The following TMEM255A variants were observed in gnomAD, a reference collection of about 807,000 sequenced individuals.
TMEM255A encodes family with sequence similarity 70, member A.
Under a neutral mutation model 23.5 loss-of-function variants are expected in TMEM255A, and 14 were observed. The ratio of observed to expected loss-of-function variants is 0.60; its 90% CI spans 0.39 to 0.93. The LOEUF is 0.93. Among genes scored for constraint, TMEM255A ranks in the 40% least tolerant of loss-of-function variants. The pLI is 0.00. For missense variants in TMEM255A, 233 were observed against 261.7 expected, an observed-to-expected ratio of 0.89 and a Z score of 0.76; for synonymous variants, 104 against 100.3, an observed-to-expected ratio of 1.04 and a Z score of -0.22.
chrX:120,253,095 G>A, the TMEM255A span, among the ~76,000 whole-genome samples: 1 of 111,661 alleles, frequency 9.0e-6, no homozygotes, highest in African/African-American at 3.3e-5. Context: ...TTGGGACTAA[G>A]AAAATTAATT....
chrX:120,293,266 G>A (rs1429380048), intron 3 of TMEM255A, among the ~76,000 whole-genome samples: 1 of 112,604 alleles, frequency 8.9e-6, no homozygotes, highest in Non-Finnish European at 1.9e-5. Context: ...ACTGCAATAT[G>A]CTTGCAATTC....
At chrX:120,284,160 C>G (rs1274259972) in intron 6 of TMEM255A, among the ~76,000 whole-genome samples, 1 of 112,145 alleles carries the variant, frequency 8.9e-6, no homozygotes, top group Non-Finnish European at 1.9e-5. Context: ...CCACTGATCC[C>G]CACTGCACTT....
At chrX:120,265,420 C>A (rs2057710177) in intron 8 of TMEM255A, among the ~76,000 whole-genome samples, 1 of 111,927 alleles carries the variant, frequency 8.9e-6, no homozygotes, top group Non-Finnish European at 1.9e-5. Flanking sequence ...GTCCAAGCAG[C>A]CCCTGAATTC....
chrX:120,307,607 G>A (rs782564115), intron 1 of TMEM255A, among the ~76,000 whole-genome samples: 2 of 112,244 alleles, frequency 1.8e-5, no homozygotes, highest in Non-Finnish European at 3.8e-5. Flanking sequence ...AGAAGGATGT[G>A]GGAGGAATTG....
At chrX:120,295,799 C>G (rs781904626) in intron 2 of TMEM255A, among the ~76,000 whole-genome samples, 1 of 111,668 alleles carries the variant, frequency 9.0e-6, no homozygotes, top group Admixed American at 9.5e-5. Flanking sequence ...GAGAATTAAC[C>G]AGGATAATAC....
chrX:120,266,153 C>CAAA (rs782105722), intron 8 of TMEM255A, among the ~76,000 whole-genome samples: 4 of 75,342 alleles, frequency 5.3e-5, no homozygotes, highest in Non-Finnish European at 1.1e-4. Flanking sequence ...GACTCTGTCT[C>CAAA]AAAAAAAAAA....
intron 2 of TMEM255A, among the ~76,000 whole-genome samples, chrX:120,303,334 A>G (rs143850389): frequency 0.041 from 4,548 of 111,148 alleles, 142 homozygotes; most frequent in East Asian, 0.13. Flanking sequence ...GATCAGGTGA[A>G]CTATCCTTCT....
chrX:120,292,530 G>A (rs957216050), intron 3 of TMEM255A, among the ~76,000 whole-genome samples: 20 of 111,126 alleles, frequency 1.8e-4, no homozygotes, highest in African/African-American at 6.2e-4. Flanking sequence ...AGGCTGGGGC[G>A]GGTGGATCAC....
At chrX:120,254,411 G>A (rs782674573), downstream of TMEM255A, 62 of 1,209,150 alleles carry the variant, frequency 5.1e-5, no homozygotes, top group Non-Finnish European at 6.9e-5. Context: ...AGGAGGAGGA[G>A]GAAATAATAG....
Position 120,266,403 on chromosome X carries a change from C to G in TMEM255A, c.819+1841G>C, listed in dbSNP as rs181149395. Among the ~76,000 whole-genome samples, 4 of 109,839 alleles carry G rather than the reference C, an allele frequency of 3.6e-5. No homozygotes were observed. In the East Asian group the frequency reaches 1.1e-3, roughly 31 times the overall value. On this transcript the variant is annotated intron_variant, in intron 8 of 8. Coordinates refer to ENST00000371369, the MANE Select transcript of TMEM255A (RefSeq NM_001104544.3). ...ATTTCTATTTCCACAGCTCCTGGCT[C>G]AATGCGTGGCACATGGAACACAGAG...
chrX:120,295,331 A>G (rs12841750), intron 2 of TMEM255A, among the ~76,000 whole-genome samples: 2,092 of 111,266 alleles, frequency 0.019, 55 homozygotes, highest in African/African-American at 0.065. Flanking sequence ...CCTTGCACCT[A>G]GGTTTGGGAA....
At chrX:120,267,849 GC>G (rs1407859079) in intron 8 of TMEM255A, among the ~76,000 whole-genome samples, 2 of 111,426 alleles carry the variant, frequency 1.8e-5, no homozygotes, top group Non-Finnish European at 3.8e-5. Context: ...GCAGGATTAG[GC>G]CTCTCCCCAT....
intron 2 of TMEM255A, among the ~76,000 whole-genome samples, chrX:120,297,456 T>G (rs2058004569): frequency 9.2e-6 from 1 of 108,151 alleles, no homozygotes; most frequent in Non-Finnish European, 1.9e-5. Flanking sequence ...CTAATACGTA[T>G]TGAGTCATGG....
At chrX:120,277,241 G>A (rs1464686301) in intron 6 of TMEM255A, among the ~76,000 whole-genome samples, 194 bp from the exon 7 acceptor site, 2 of 110,881 alleles carry the variant, frequency 1.8e-5, no homozygotes, top group Non-Finnish European at 3.8e-5. Context: ...CCCACTCCCC[G>A]AAAAAAAACT....
chrX:120,304,322 C>G (rs782143346), intron 2 of TMEM255A, 27 bp downstream of exon 2: 1 of 1,189,023 alleles, frequency 8.4e-7, no homozygotes, highest in Non-Finnish European at 1.1e-6. Flanking sequence ...CAAGCTACTG[C>G]GACCTACCTG....
chrX:120,252,808 C>T, the TMEM255A span: 1 of 111,656 alleles, frequency 9.0e-6, no homozygotes, highest in Non-Finnish European at 1.9e-5. Flanking sequence ...AGATGAGGCA[C>T]CCCAATTTAA....
intron 8 of TMEM255A, among the ~76,000 whole-genome samples, chrX:120,264,879 C>CT (rs3030544): frequency 0.057 from 5,377 of 93,612 alleles, 284 homozygotes; most frequent in African/African-American, 0.15. Context: ...CTTGACTTTC[C>CT]TTTTTTTTTT....
At chrX:120,282,550 G>A (rs973959710) in intron 6 of TMEM255A, among the ~76,000 whole-genome samples, 1 of 111,253 alleles carries the variant, frequency 9.0e-6, no homozygotes, top group Non-Finnish European at 1.9e-5. Flanking sequence ...CCTTTTCATC[G>A]GCTCTTTACT....
intron 6 of TMEM255A, among the ~76,000 whole-genome samples, chrX:120,278,639 TA>T (rs1427487498): frequency 5.4e-5 from 6 of 111,887 alleles, no homozygotes; most frequent in African/African-American, 2.0e-4. Context: ...CTAAAACACT[TA>T]AAGTCACAAC....
Sources: allele counts gnomAD v4.1 joint callset (sites outside exome capture counted in the v4.1 genomes callset), GRCh38; gene constraint gnomAD v4.1.1; transcripts MANE v1.5; gene names NCBI Gene and HGNC (gene_info 2026-07-23, HGNC 2026-07-21).